The following ZBTB8A variants were observed in gnomAD, a reference collection of about 807,000 sequenced individuals.
ZBTB8A encodes zinc finger and BTB domain-containing protein 8A.
ZBTB8A carries 19 observed loss-of-function variants against 37.8 expected under a neutral mutation model. The observed-to-expected ratio is 0.50, with a 90% CI of 0.35 to 0.74. ZBTB8A has a LOEUF of 0.74. Ranked by LOEUF, ZBTB8A falls within the 30% of genes least tolerant of loss-of-function variation. ZBTB8A has a pLI of 0.01. For synonymous variants in ZBTB8A, 181 were observed against 185.2 expected, an observed-to-expected ratio of 0.98 and a Z score of 0.19; for missense variants, 394 against 537.8, an observed-to-expected ratio of 0.73 and a Z score of 2.65.
intron 1 of ZBTB8A, among the ~76,000 whole-genome samples, chr1:32,550,619 A>C (rs1346246752): frequency 6.6e-6 from 1 of 150,980 alleles, no homozygotes; most frequent in African/African-American, 2.4e-5. Context: ...GAGACCCTGT[A>C]GCAAAAACAA....
intron 1 of ZBTB8A, among the ~76,000 whole-genome samples, chr1:32,545,852 A>G (rs921443233): frequency 2.6e-5 from 4 of 152,332 alleles, no homozygotes; most frequent in African/African-American, 2.4e-5. Context: ...ATGTTTCTCA[A>G]TACTACCAGG....
intron 1 of ZBTB8A, among the ~76,000 whole-genome samples, chr1:32,550,484 T>G (rs959658575): frequency 3.3e-5 from 5 of 151,850 alleles, no homozygotes; most frequent in Admixed American, 6.6e-5. Flanking sequence ...CCAGGTGTGG[T>G]GGTACACGTC....
rs1306512852 is a variant in ZBTB8A, at chr1:32,595,163, A to G, written c.933A>G (p.Pro311=). 2.5e-6 allele frequency: 4 copies of G among 1,614,124 alleles called. No homozygotes were observed. The highest frequency in any genetic ancestry group is 2.7e-5 in the African/African-American group (2 of 74,940). ...LRCHTGERPY[P]CQACGKRFSR... Reference sequence around the variant, plus strand: ...GTCATACAGGAGAAAGGCCCTATCCATGTCAAGCTTGTGGAAAAAGATTTA... The same window carrying G: ...GTCATACAGGAGAAAGGCCCTATCCGTGTCAAGCTTGTGGAAAAAGATTTA... Residue 311 remains proline, a synonymous_variant, in exon 4 of 5, where the codon CCA becomes CCG. Transcript: ENST00000373510.
chr1:32,581,288 ATATT>A lies in ZBTB8A; in HGVS notation c.-1-11639_-1-11636del, dbSNP rs891403029. On this transcript the variant is annotated intron_variant, in intron 2 of 4. Transcript: ENST00000373510. Reference sequence around the variant, plus strand: ...TAATATAATAATACAATATTAATATATATTTATATATTATATAATAATATATAAT... The same window carrying A: ...TAATATAATAATACAATATTAATATATATATATTATATAATAATATATAAT... Among the ~76,000 whole-genome samples the A allele has an allele frequency of 7.5e-5, 7 of 93,584 alleles. No homozygotes were observed. In the Admixed American group the frequency reaches 8.6e-4, roughly 11 times the overall value. 61.4% of individuals were successfully genotyped at this position (93,584 alleles called of 152,430 possible). A position where few individuals can be genotyped will look rare whatever the true frequency, so the allele number is the denominator to read the frequency against.
At chr1:32,599,047 G>A (rs1380238020) in intron 4 of ZBTB8A, among the ~76,000 whole-genome samples, 1 of 151,942 alleles carries the variant, frequency 6.6e-6, no homozygotes, top group Non-Finnish European at 1.5e-5. Context: ...TCCAATCCCT[G>A]TGGTCCTCTT....
At chr1:32,560,615 C>CTTTTTTTCTTTTTTT (rs1644236756) in intron 2 of ZBTB8A, among the ~76,000 whole-genome samples, 1 of 90,806 alleles carries the variant, frequency 1.1e-5, no homozygotes, top group African/African-American at 4.5e-5. Context: ...TCTTTTCTTT[C>CTTTTTTTCTTTTTTT]TTTTTTTTTT....
chr1:32,566,709 GT>G (rs1557707251), intron 2 of ZBTB8A, among the ~76,000 whole-genome samples: 1 of 152,136 alleles, frequency 6.6e-6, no homozygotes, highest in African/African-American at 2.4e-5. Context: ...TAAAGATGGG[GT>G]TGTCAAGGAA....
rs764447007 is a variant in ZBTB8A, at chr1:32,593,703, G to A, written c.772G>A (p.Val258Ile). Residue 258 changes from valine to isoleucine, a missense_variant, in exon 3 of 5, where the codon GTT becomes ATT. Physicochemically the swap from Val to Ile is conservative, Grantham distance 29. Around this residue, in one of 4 missense-constraint regions of ZBTB8A, gnomAD observed 171 missense variants for 186.8 expected, o/e 0.92. Coordinates refer to ENST00000373510, the MANE Select transcript of ZBTB8A (RefSeq NM_001040441.3). ...TGATGCTGAAATGGACTCTACTCCT[G>A]TTGGCTATCAGTACGGTCAAGGATC... The part of the protein sequence containing the change: ...QIDAEMDSTP[V>I]GYQYGQGSDV... 6.2e-7 allele frequency: 1 copy of A among 1,614,126 alleles called. No homozygotes were observed.
intron 2 of ZBTB8A, among the ~76,000 whole-genome samples, chr1:32,582,641 CAAAA>C (rs200979052): frequency 1.4e-5 from 2 of 138,324 alleles, no homozygotes; most frequent in East Asian, 2.0e-4. Flanking sequence ...GAAACTCTCT[CAAAA>C]AAAAAAAAGA....
chr1:32,591,802 C>T (rs981931325), intron 2 of ZBTB8A, among the ~76,000 whole-genome samples: 2 of 152,024 alleles, frequency 1.3e-5, no homozygotes, highest in African/African-American at 4.8e-5. Flanking sequence ...AAGTAATTTT[C>T]TAAAATCTAA....
intron 2 of ZBTB8A, among the ~76,000 whole-genome samples, chr1:32,559,487 A>G (rs1271659480): frequency 6.7e-6 from 1 of 149,514 alleles, no homozygotes; most frequent in African/African-American, 2.5e-5. Flanking sequence ...TTTTTGAGAC[A>G]GAGTCTTACT....
intron 1 of ZBTB8A, among the ~76,000 whole-genome samples, chr1:32,547,367 T>C (rs1186538858): frequency 6.8e-6 from 1 of 148,092 alleles, no homozygotes; most frequent in Non-Finnish European, 1.5e-5. Flanking sequence ...TTTTTTTTTT[T>C]AGTAGAGATG....
intron 2 of ZBTB8A, among the ~76,000 whole-genome samples, chr1:32,573,738 C>CTTTTTTTTTTTTTT: frequency 1.1e-5 from 1 of 95,030 alleles, no homozygotes; most frequent in Non-Finnish European, 2.0e-5. Context: ...CCAGCTAAAA[C>CTTTTTTTTTTTTTT]TTTTTTTTTT....
At chr1:32,545,167 A>G (rs1328716945) in intron 1 of ZBTB8A, among the ~76,000 whole-genome samples, 3 of 152,144 alleles carry the variant, frequency 2.0e-5, no homozygotes, top group East Asian at 1.9e-4. Flanking sequence ...AACACTTAGT[A>G]TTTTCATGTT....
intron 2 of ZBTB8A, among the ~76,000 whole-genome samples, chr1:32,557,159 G>A (rs181884315): frequency 4.3e-4 from 65 of 151,818 alleles, no homozygotes; most frequent in African/African-American, 1.5e-3. Context: ...AAAATTAACC[G>A]GGCGTGATGG....
At chr1:32,568,228 A>G (rs1644298675) in intron 2 of ZBTB8A, among the ~76,000 whole-genome samples, 1 of 152,156 alleles carries the variant, frequency 6.6e-6, no homozygotes, top group South Asian at 2.1e-4. Context: ...ACATATGTTC[A>G]TATGTAATAA....
At chr1:32,542,466 C>G (rs764920986) in intron 1 of ZBTB8A, among the ~76,000 whole-genome samples, 3 of 152,054 alleles carry the variant, frequency 2.0e-5, no homozygotes, top group African/African-American at 7.2e-5. Context: ...CACAACTACT[C>G]GGGAGGCTGA....
intron 1 of ZBTB8A, among the ~76,000 whole-genome samples, chr1:32,549,920 A>C (rs989417125): frequency 2.0e-5 from 3 of 152,208 alleles, no homozygotes; most frequent in African/African-American, 7.2e-5. Context: ...TTAACAGCCA[A>C]AACAGAAGAA....
intron 1 of ZBTB8A, among the ~76,000 whole-genome samples, chr1:32,544,594 G>A (rs757669991): frequency 6.6e-6 from 1 of 152,228 alleles, no homozygotes; most frequent in Non-Finnish European, 1.5e-5. Flanking sequence ...CTACTCAGGA[G>A]GCTGAGGCAG....
Sources: allele counts gnomAD v4.1 joint callset (sites outside exome capture counted in the v4.1 genomes callset), GRCh38; gene constraint gnomAD v4.1.1; regional missense constraint gnomAD v4.1.1; transcripts MANE v1.5; gene names NCBI Gene and HGNC (gene_info 2026-07-23, HGNC 2026-07-21).